Variants in PPFIA2 observed in about 807,000 individuals in gnomAD.
The protein encoded by PPFIA2 is liprin-alpha-2.
Under a neutral mutation model 175.5 loss-of-function variants are expected in PPFIA2, and 46 were observed. The observed-to-expected ratio is 0.26, with a 90% confidence interval of 0.21 to 0.34. The LOEUF (loss-of-function observed/expected upper bound fraction) is 0.34, where lower values mean the gene tolerates loss of function less well. Among genes scored for constraint, PPFIA2 ranks in the 10% least tolerant of loss-of-function variants. The probability of loss-of-function intolerance (pLI) is 1.00; values close to 1 mark genes in which losing one functional copy is unlikely to be tolerated. For synonymous variants in PPFIA2, 568 were observed against 511.4 expected, an observed-to-expected ratio of 1.11 and a Z score of -1.49; for missense variants, 1,179 against 1,506.1, an observed-to-expected ratio of 0.78 and a Z score of 3.60.
intron 3 of PPFIA2, among the ~76,000 whole-genome samples, chr12:81,700,752 T>C (rs1306834917): frequency 6.6e-6 from 1 of 151,982 alleles, no homozygotes; most frequent in East Asian, 1.9e-4. Context: ...AAAAAGACTA[T>C]GGAGAAAACA....
intron 4 of PPFIA2, among the ~76,000 whole-genome samples, chr12:81,533,870 C>T (rs1397028497): frequency 6.6e-6 from 1 of 150,986 alleles, no homozygotes; most frequent in Non-Finnish European, 1.5e-5. Flanking sequence ...TAAATTTGCA[C>T]AATAATATCA....
intron 3 of PPFIA2, among the ~76,000 whole-genome samples, chr12:81,692,249 T>C (rs536871947): frequency 7.2e-5 from 11 of 152,048 alleles, no homozygotes; most frequent in African/African-American, 2.6e-4. Flanking sequence ...CAAGCTCAGG[T>C]TAAGTGAATT....
chr12:81,457,916 G>C, intron 4 of PPFIA2, 50 bp from the exon 5 acceptor site: 1 of 1,262,572 alleles, frequency 7.9e-7, no homozygotes, highest in Non-Finnish European at 1.1e-6. Flanking sequence ...TCTAAAAGCA[G>C]AAAAAAATTC....
At chr12:81,590,259 C>T (rs1316856738) in intron 4 of PPFIA2, among the ~76,000 whole-genome samples, 1 of 151,972 alleles carries the variant, frequency 6.6e-6, no homozygotes, top group Non-Finnish European at 1.5e-5. Context: ...GAGGTATTTC[C>T]AGATGGATTT....
chr12:81,489,003 C>T (rs1051681203), intron 4 of PPFIA2, among the ~76,000 whole-genome samples: 14 of 151,904 alleles, frequency 9.2e-5, no homozygotes, highest in African/African-American at 1.9e-4. Flanking sequence ...TGTCCTATTT[C>T]GACAAATTAG....
chr12:81,457,671 T>G, intron 5 of PPFIA2, 94 bp downstream of exon 5: 1 of 682,420 alleles, frequency 1.5e-6, no homozygotes, highest in South Asian at 2.4e-5. Flanking sequence ...TTATAAAGTT[T>G]TAAAATGCAT....
chr12:81,350,150 C>G (rs969397437), intron 17 of PPFIA2, among the ~76,000 whole-genome samples: 1 of 152,074 alleles, frequency 6.6e-6, no homozygotes, highest in African/African-American at 2.4e-5. Context: ...GTGTTGATCT[C>G]TTTGGTGCAA....
intron 4 of PPFIA2, among the ~76,000 whole-genome samples, chr12:81,603,943 T>C (rs1037000414): frequency 2.0e-5 from 3 of 151,552 alleles, no homozygotes; most frequent in Non-Finnish European, 3.0e-5. Context: ...AAAGACTAAT[T>C]ACCAAATGCC....
intron 4 of PPFIA2, among the ~76,000 whole-genome samples, chr12:81,593,230 T>C (rs2058876605): frequency 6.6e-6 from 1 of 152,116 alleles, no homozygotes; most frequent in East Asian, 1.9e-4. Flanking sequence ...GGTAAAGAGG[T>C]ATTAAAAATC....
Position 81,339,336 on chromosome 12 carries a change from T to C in PPFIA2, c.2394-2A>G. 6.4e-7 allele frequency: 1 copy of C among 1,565,474 alleles called. No individual in the cohort carries two copies. The highest frequency in any genetic ancestry group is 1.4e-5 in the African/African-American group (1 of 72,154). The stretch of plus-strand genomic sequence containing the variant: ...GGCTCAAGAGAGACAGATAAACTAC[T>C]GCAAAACACAAAAGAGGAAAATACA... On this transcript the variant is annotated splice_acceptor_variant, in intron 20 of 32. Transcript: ENST00000549396. LOFTEE classifies it high-confidence loss of function.
intron 4 of PPFIA2, among the ~76,000 whole-genome samples, chr12:81,548,574 C>T (rs2067357683): frequency 6.6e-6 from 1 of 152,054 alleles, no homozygotes; most frequent in East Asian, 1.9e-4. Flanking sequence ...CTCAAGCAAT[C>T]CTCTCACCTA....
At chr12:81,285,545 T>C (rs1247755576) in intron 24 of PPFIA2, among the ~76,000 whole-genome samples, 3 of 152,016 alleles carry the variant, frequency 2.0e-5, no homozygotes, top group African/African-American at 4.8e-5. Context: ...ATACCGACAT[T>C]GTAGTCAAGA....
chr12:81,259,261 C>T lies in PPFIA2; in HGVS notation c.*433G>A, dbSNP rs1032176720. ...CTTGGAATTGTCAAATGTTTGCACT[C>T]GAGACTCCATGAACCATATATTTTA... is the stretch of plus-strand genomic sequence containing the variant. On this transcript the variant is annotated 3_prime_UTR_variant, in exon 33 of 33. Coordinates refer to ENST00000549396, the MANE Select transcript of PPFIA2 (RefSeq NM_003625.5). 3 of 285,136 alleles carry T rather than the reference C, an allele frequency of 1.1e-5. 1 individual carries two copies. Among genetic ancestry groups the T allele is most frequent in the South Asian group, 1.0e-4 (3 of 28,930 alleles). 17.7% of individuals were successfully genotyped at this position (285,136 alleles called of 1,614,324 possible). A position where few individuals can be genotyped will look rare whatever the true frequency, so the allele number is the denominator to read the frequency against.
chr12:81,281,520 A>C lies in PPFIA2; in HGVS notation c.3019-70T>G. 7.8e-6 allele frequency: 8 copies of C among 1,026,496 alleles called. 1 individual carries two copies. Among genetic ancestry groups the C allele is most frequent in the Non-Finnish European group, 1.1e-5 (8 of 708,778 alleles). The allele number at this position is 1,026,496 out of a possible 1,614,324, so 63.6% of individuals were successfully genotyped here. A position where few individuals can be genotyped will look rare whatever the true frequency, so the allele number is the denominator to read the frequency against. On this transcript the variant is annotated intron_variant, in intron 26 of 32. Coordinates refer to ENST00000549396, the MANE Select transcript of PPFIA2 (RefSeq NM_003625.5). ...AGATGGTAATTGGATAATATTACCT[A>C]TTATTATAACTGATATTTAATTACT...
intron 20 of PPFIA2, among the ~76,000 whole-genome samples, chr12:81,339,831 G>T (rs1460685791): frequency 1.3e-5 from 2 of 151,998 alleles, no homozygotes; most frequent in Admixed American, 1.3e-4. Flanking sequence ...GCCAAATTCA[G>T]TTAATTTAAA....
chr12:81,301,928 A>G (rs2047948608), intron 22 of PPFIA2, among the ~76,000 whole-genome samples: 1 of 152,154 alleles, frequency 6.6e-6, no homozygotes, highest in South Asian at 2.1e-4. Context: ...CCCTTCTAAC[A>G]TAGTATATTA....
intron 22 of PPFIA2, among the ~76,000 whole-genome samples, chr12:81,321,263 A>G (rs1045858153): frequency 1.3e-5 from 2 of 152,126 alleles, no homozygotes; most frequent in African/African-American, 4.8e-5. Context: ...TAATGACTTA[A>G]GGAATTTGCC....
At chr12:81,363,315 A>G (rs2031736698) in intron 14 of PPFIA2, among the ~76,000 whole-genome samples, 1 of 151,432 alleles carries the variant, frequency 6.6e-6, no homozygotes, top group South Asian at 2.1e-4. Flanking sequence ...TTATTTAAAG[A>G]CAGGGCCTCA....
At chr12:81,369,016 A>C in intron 12 of PPFIA2, 95 bp downstream of exon 12, 1 of 1,279,204 alleles carries the variant, frequency 7.8e-7, no homozygotes, top group South Asian at 1.5e-5. Flanking sequence ...TAAGTTTTAA[A>C]TATAACCCAT....
Sources: allele counts gnomAD v4.1 joint callset (sites outside exome capture counted in the v4.1 genomes callset), GRCh38; gene constraint gnomAD v4.1.1; transcripts MANE v1.5; gene names NCBI Gene and HGNC (gene_info 2026-07-23, HGNC 2026-07-21).